Variants in ROBO1 observed in about 807,000 individuals in gnomAD.
ROBO1 encodes the protein roundabout guidance receptor 1, also known as roundabout homolog 1.
Under a neutral mutation model 195.9 loss-of-function variants are expected in ROBO1, and 149 were observed. The observed-to-expected ratio is 0.76, with a 90% CI of 0.67 to 0.87. ROBO1 has a LOEUF of 0.87. Ranked by LOEUF, ROBO1 falls within the 40% of genes least tolerant of loss-of-function variation. The pLI is 0.00. For missense variants in ROBO1, 1,933 were observed against 2,068.3 expected, an observed-to-expected ratio of 0.93 and a Z score of 1.27; for synonymous variants, 816 against 733.2, an observed-to-expected ratio of 1.11 and a Z score of -1.82.
intron 1 of ROBO1, among the ~76,000 whole-genome samples, chr3:79,659,699 T>C (rs1946274436): frequency 6.6e-6 from 1 of 151,962 alleles, no homozygotes; most frequent in Non-Finnish European, 1.5e-5. Flanking sequence ...GAGAAGATAA[T>C]GTCATGCGAA....
chr3:79,124,817 A>C (rs543208233), intron 3 of ROBO1, among the ~76,000 whole-genome samples: 1 of 152,304 alleles, frequency 6.6e-6, no homozygotes, highest in South Asian at 2.1e-4. Context: ...TTAGAACAAA[A>C]AATTCCATGT....
Position 78,676,377 on chromosome 3 carries a change from C to T in ROBO1, c.1343-6076G>A, listed in dbSNP as rs140352427. Among the ~76,000 whole-genome samples the T allele has an allele frequency of 5.8e-3, 877 of 151,790 alleles. 12 individuals are homozygous for T. The highest frequency in any genetic ancestry group is 0.02 in the African/African-American group (807 of 41,360). On this transcript the variant is annotated intron_variant, in intron 10 of 30. Transcript: ENST00000464233. ...AAGGCTTCAGACGATCAAACTACTC[C>T]GAGCTACACAAGGAAATTCAAACCC...
chr3:79,125,688 C>T, intron 2 of ROBO1, 149 bp from the exon 3 acceptor site: 1 of 649,810 alleles, frequency 1.5e-6, no homozygotes, highest in East Asian at 2.8e-5. Context: ...CCTTGCCCCT[C>T]CTGCGGCACA....
intron 2 of ROBO1, among the ~76,000 whole-genome samples, chr3:79,240,538 G>A (rs181321554): frequency 2.0e-5 from 3 of 152,256 alleles, no homozygotes; most frequent in East Asian, 3.9e-4. Flanking sequence ...CTGGGGGAAA[G>A]AAATATGAAG....
At chr3:79,496,830 A>G (rs1290567631) in intron 2 of ROBO1, among the ~76,000 whole-genome samples, 2 of 150,186 alleles carry the variant, frequency 1.3e-5, no homozygotes, top group South Asian at 2.1e-4. Context: ...ATAGGGAATT[A>G]AAGTATACTA....
At chr3:79,570,849 G>GA (rs1943255281) in intron 2 of ROBO1, among the ~76,000 whole-genome samples, 1 of 152,006 alleles carries the variant, frequency 6.6e-6, no homozygotes, top group Admixed American at 6.6e-5. Flanking sequence ...TGAATCAAAG[G>GA]AAAAATTAAA....
chr3:79,727,646 A>G (rs1267263941), intron 1 of ROBO1, among the ~76,000 whole-genome samples: 5 of 152,298 alleles, frequency 3.3e-5, no homozygotes, highest in East Asian at 1.9e-4. Context: ...ACAAACAGGT[A>G]AAAAGATTTT....
chr3:79,355,714 T>C (rs1267688362), intron 2 of ROBO1, among the ~76,000 whole-genome samples: 3 of 152,194 alleles, frequency 2.0e-5, no homozygotes, highest in African/African-American at 7.2e-5. Flanking sequence ...TCCAGGTTCA[T>C]CCATGTCGCT....
intron 2 of ROBO1, among the ~76,000 whole-genome samples, chr3:79,323,828 G>A (rs1404058358): frequency 6.6e-6 from 1 of 152,162 alleles, no homozygotes; most frequent in Non-Finnish European, 1.5e-5. Context: ...AGCAGTGGCA[G>A]TTCAAGTTGC....
At chr3:78,840,594 C>T (rs1004743782) in intron 4 of ROBO1, among the ~76,000 whole-genome samples, 6 of 152,220 alleles carry the variant, frequency 3.9e-5, no homozygotes, top group South Asian at 2.1e-4. Flanking sequence ...CAAGGTTACA[C>T]GGCTAATAAC....
At chr3:79,339,128 C>T (rs1221944549) in intron 2 of ROBO1, among the ~76,000 whole-genome samples, 1 of 152,168 alleles carries the variant, frequency 6.6e-6, no homozygotes, top group Non-Finnish European at 1.5e-5. Flanking sequence ...TTGCCAGCCC[C>T]CAGATCTGAG....
chr3:79,495,874 T>C (rs920771021), intron 2 of ROBO1, among the ~76,000 whole-genome samples: 2 of 152,060 alleles, frequency 1.3e-5, no homozygotes, highest in African/African-American at 4.8e-5. Flanking sequence ...TGAATGGAGA[T>C]AAAATAATAG....
intron 4 of ROBO1, among the ~76,000 whole-genome samples, chr3:78,928,662 G>A (rs1025341138): frequency 6.6e-6 from 1 of 152,056 alleles, no homozygotes; most frequent in African/African-American, 2.4e-5. Context: ...CTTCCCAGGG[G>A]TGGTCCCAAA....
chr3:78,982,830 GCTGGTCTCGAACTC>G (rs1347339754), intron 3 of ROBO1, among the ~76,000 whole-genome samples: 8 of 152,094 alleles, frequency 5.3e-5, no homozygotes, highest in African/African-American at 1.7e-4. Context: ...TGTTGGTCAG[GCTGGTCTCGAACTC>G]CTGACCTCAA....
At chr3:79,653,186 T>C (rs1202309330) in intron 1 of ROBO1, among the ~76,000 whole-genome samples, 1 of 151,830 alleles carries the variant, frequency 6.6e-6, no homozygotes, top group Non-Finnish European at 1.5e-5. Flanking sequence ...TGTCTATATC[T>C]TTATTACACA....
chr3:79,495,913 T>C (rs1939704491), intron 2 of ROBO1, among the ~76,000 whole-genome samples: 2 of 151,978 alleles, frequency 1.3e-5, no homozygotes, highest in African/African-American at 4.8e-5. Flanking sequence ...ATAGGAATGT[T>C]AAAAAATGAC....
intron 3 of ROBO1, among the ~76,000 whole-genome samples, chr3:79,035,906 CA>C (rs2078373922): frequency 6.6e-6 from 1 of 152,006 alleles, no homozygotes; most frequent in South Asian, 2.1e-4. Flanking sequence ...TAAAGGACTC[CA>C]CAGTTTTCAA....
chr3:78,598,083 T>A lies in ROBO1; in HGVS notation c.*830A>T, dbSNP rs1168685251. 6.6e-6 allele frequency: 1 copy of A among 152,568 alleles called. No individual in the cohort carries two copies. The highest frequency in any genetic ancestry group is 1.5e-5 in the Non-Finnish European group (1 of 68,032). 9.5% of individuals were successfully genotyped at this position (152,568 alleles called of 1,614,324 possible). ...AAATTTAGGCCAGTTAAGACAGGGA[T>A]GTTCTTACTCAATTGGTCATTAAAA... On this transcript the variant is annotated 3_prime_UTR_variant, in exon 31 of 31. Coordinates refer to ENST00000464233, the MANE Select transcript of ROBO1 (RefSeq NM_002941.4).
chr3:78,670,491 A>G (rs1171403369), intron 10 of ROBO1, 190 bp from the exon 11 acceptor site: 2 of 578,646 alleles, frequency 3.5e-6, no homozygotes, highest in Admixed American at 6.2e-5. Context: ...AATGAGACAC[A>G]ATGTGCTACT....
Sources: allele counts gnomAD v4.1 joint callset (sites outside exome capture counted in the v4.1 genomes callset), GRCh38; gene constraint gnomAD v4.1.1; transcripts MANE v1.5; gene names NCBI Gene and HGNC (gene_info 2026-07-23, HGNC 2026-07-21).